The following PCDHA10 variants were observed in gnomAD, a reference collection of about 807,000 sequenced individuals.
The protein encoded by PCDHA10 is protocadherin alpha 10.
In PCDHA10, 45 loss-of-function variants were observed where a neutral mutation model predicts 61.2. The ratio of observed to expected loss-of-function variants is 0.74; its 90% confidence interval spans 0.58 to 0.94. PCDHA10 has a LOEUF of 0.94. PCDHA10 is among the 40% of genes least tolerant of loss of function. The pLI, the probability that PCDHA10 is intolerant of heterozygous loss-of-function variation, is 0.00. For missense variants in PCDHA10, 1,278 were observed against 1,236.2 expected (o/e 1.03, Z -0.51); for synonymous variants, 602 against 548.8 (o/e 1.10, Z -1.35).
intron 3 of PCDHA10, among the ~76,000 whole-genome samples, chr5:140,997,463 C>A (rs2097770932): frequency 6.6e-6 from 1 of 152,198 alleles, no homozygotes; most frequent in Admixed American, 6.5e-5. Context: ...ATACTGTAGG[C>A]AATTTTTACA....
rs527413028 is a variant in PCDHA10, at chr5:140,920,520, G to A, written c.2389-58429G>A. Among the ~76,000 whole-genome samples, 10 of 152,176 alleles carry A rather than the reference G, an allele frequency of 6.6e-5. No homozygotes were observed. In the South Asian group the frequency reaches 1.7e-3, roughly 25 times the overall value. ...TTCTACATACTGTTTTATGCAATTCGTTAGACTCAGGTTTTCTATTTCACC... is the reference window on the plus strand; with the variant it reads ...TTCTACATACTGTTTTATGCAATTCATTAGACTCAGGTTTTCTATTTCACC... On this transcript the variant is annotated intron_variant, in intron 1 of 3. Transcript: ENST00000307360.
At chr5:140,900,538 A>G (rs1341812228) in intron 1 of PCDHA10, among the ~76,000 whole-genome samples, 1 of 152,162 alleles carries the variant, frequency 6.6e-6, no homozygotes, top group Non-Finnish European at 1.5e-5. Context: ...CGGCTTTCCA[A>G]AGTGCTGGGA....
At chr5:140,911,654 T>C (rs1554194855) in intron 1 of PCDHA10, among the ~76,000 whole-genome samples, 1 of 152,218 alleles carries the variant, frequency 6.6e-6, no homozygotes, top group Non-Finnish European at 1.5e-5. Flanking sequence ...ATAGAGTTAC[T>C]AAACTCCTTG....
rs782580460 is a variant in PCDHA10, at chr5:140,875,923, C to T, written c.2388+17487C>T. 1.2e-5 allele frequency: 20 copies of T among 1,614,184 alleles called. 1 individual carries two copies. The South Asian group carries it at 2.1e-4, about 17-fold the overall frequency. On this transcript the variant is annotated intron_variant, in intron 1 of 3. Coordinates refer to ENST00000307360, the MANE Select transcript of PCDHA10 (RefSeq NM_018901.4). ...TTCTGAATCTGCGCCTCTGGACTCT[C>T]ATTTTCCTCTAGAGGGCGCTTCTGA...
chr5:140,869,125 G>T (rs371936789), intron 1 of PCDHA10: 4 of 1,611,550 alleles, frequency 2.5e-6, no homozygotes, highest in East Asian at 4.5e-5. Context: ...TCAGAGAAGG[G>T]GATTGGGCAC....
At position 140,892,381 on chromosome 5, in the gene PCDHA10, G is replaced by A. The variant is rs534818455; in HGVS notation, c.2388+33945G>A. Among the ~76,000 whole-genome samples the A allele has an allele frequency of 2.6e-5, 4 of 152,070 alleles. No individual in the cohort carries two copies. The South Asian group carries it at 8.3e-4, about 32-fold the overall frequency. On this transcript the variant is annotated intron_variant, in intron 1 of 3. Coordinates refer to ENST00000307360, the MANE Select transcript of PCDHA10 (RefSeq NM_018901.4). ...GCATCTTGGGGCACTAGCAATCATG[G>A]GTAATCTTAATCTATTTCAAGCTTC...
intron 1 of PCDHA10, chr5:140,966,759 C>G: frequency 6.9e-7 from 1 of 1,447,012 alleles, no homozygotes; most frequent in Non-Finnish European, 9.1e-7. Context: ...CCGCCGCGGC[C>G]AGTGGCTATG....
At chr5:140,861,303 GA>G in intron 1 of PCDHA10, 1 of 189,594 alleles carries the variant, frequency 5.3e-6, no homozygotes. Context: ...TGTGAAGCGG[GA>G]AAGGACCAGT....
chr5:140,952,821 A>G (rs269545), intron 1 of PCDHA10, among the ~76,000 whole-genome samples: 31,238 of 152,098 alleles, frequency 0.21, 3,965 homozygotes, highest in African/African-American at 0.36. Context: ...CTGTACAGGA[A>G]GCATGATGCT....
intron 1 of PCDHA10, among the ~76,000 whole-genome samples, chr5:140,920,075 G>T (rs190821804): frequency 6.6e-6 from 1 of 152,316 alleles, no homozygotes; most frequent in Admixed American, 6.5e-5. Flanking sequence ...GGCAGAAACA[G>T]ATTCTCCGTA....
At chr5:140,876,483 G>T (rs373900620) in intron 1 of PCDHA10, 1 of 1,614,004 alleles carries the variant, frequency 6.2e-7, no homozygotes, top group Non-Finnish European at 8.5e-7. Flanking sequence ...GCATGGTCCT[G>T]GTGGAAGTTC....
At chr5:140,922,166 G>A (rs1304025068) in intron 1 of PCDHA10, among the ~76,000 whole-genome samples, 1 of 143,464 alleles carries the variant, frequency 7.0e-6, no homozygotes, top group East Asian at 2.2e-4. Flanking sequence ...ACAACAAAAA[G>A]TACAGCAGAC....
chr5:140,883,091 G>A lies in PCDHA10; in HGVS notation c.2388+24655G>A, dbSNP rs782433695. The A allele has an allele frequency of 1.9e-6, 3 of 1,613,994 alleles. No individual in the cohort carries two copies. In the African/African-American group the frequency reaches 4.0e-5, roughly 22 times the overall value. ...CACAGATCCTGATGATGGTACAAAT[G>A]GAGATATAGTTTACTCATTTAGAAG... On this transcript the variant is annotated intron_variant, in intron 1 of 3. Coordinates refer to ENST00000307360, the MANE Select transcript of PCDHA10 (RefSeq NM_018901.4).
At chr5:140,916,596 G>A (rs1482287916) in intron 1 of PCDHA10, among the ~76,000 whole-genome samples, 3 of 152,194 alleles carry the variant, frequency 2.0e-5, no homozygotes, top group Non-Finnish European at 4.4e-5. Context: ...GCTAGGGCCT[G>A]GAATGCGGGC....
At chr5:140,971,117 G>A (rs868931936) in intron 1 of PCDHA10, among the ~76,000 whole-genome samples, 1 of 152,162 alleles carries the variant, frequency 6.6e-6, no homozygotes, top group Admixed American at 6.5e-5. Flanking sequence ...ATTGGGGTGG[G>A]CTACAGGTGG....
At chr5:140,859,848 G>C (rs1455422999) in intron 1 of PCDHA10, 1 of 151,860 alleles carries the variant, frequency 6.6e-6, no homozygotes, top group South Asian at 2.1e-4. Flanking sequence ...TTATCAAATA[G>C]GTTTATGAAA....
chr5:140,999,678 G>A (rs1204037119), intron 3 of PCDHA10, among the ~76,000 whole-genome samples: 2 of 152,112 alleles, frequency 1.3e-5, no homozygotes, highest in East Asian at 1.9e-4. Context: ...GGGGCTCACA[G>A]AAAGAAGAAA....
intron 1 of PCDHA10, among the ~76,000 whole-genome samples, chr5:140,898,629 C>T (rs2066883647): frequency 1.3e-5 from 2 of 152,194 alleles, no homozygotes; most frequent in Admixed American, 1.3e-4. Context: ...AGCATAATGC[C>T]TCCAGCTTTG....
At chr5:140,929,330 G>A (rs2086062257) in intron 1 of PCDHA10, 1 of 1,535,218 alleles carries the variant, frequency 6.5e-7, no homozygotes, top group Non-Finnish European at 8.8e-7. Flanking sequence ...GCCATGGTAA[G>A]CAAATTTTAT....
Sources: allele counts gnomAD v4.1 joint callset (sites outside exome capture counted in the v4.1 genomes callset), GRCh38; gene constraint gnomAD v4.1.1; transcripts MANE v1.5; gene names NCBI Gene and HGNC (gene_info 2026-07-23, HGNC 2026-07-21).